The following SOX5 variants were observed in gnomAD, a reference collection of about 807,000 sequenced individuals.
SOX5 encodes the protein transcription factor SOX-5.
SOX5 carries 9 observed loss-of-function variants against 92.0 expected under a neutral mutation model. That is an observed-to-expected ratio of 0.10 (90% CI 0.06 to 0.17). The LOEUF (loss-of-function observed/expected upper bound fraction) is 0.17, where lower values mean the gene tolerates loss of function less well. Among genes scored for constraint, SOX5 ranks in the 10% least tolerant of loss-of-function variants. The probability of loss-of-function intolerance (pLI) is 1.00; values close to 1 mark genes in which losing one functional copy is unlikely to be tolerated. For missense variants in SOX5, 642 were observed against 944.5 expected (o/e 0.68, Z 4.20); for synonymous variants, 344 against 336.3 (o/e 1.02, Z -0.25).
chr12:23,981,302 G>GAAAC (rs2136166490), intron 4 of SOX5, among the ~76,000 whole-genome samples: 1 of 152,206 alleles, frequency 6.6e-6, no homozygotes, highest in Admixed American at 6.5e-5. Flanking sequence ...GAATTGCTTA[G>GAAAC]TCTTTCCATT....
chr12:23,545,537 A>C (rs1942959576), intron 12 of SOX5, among the ~76,000 whole-genome samples: 1 of 152,180 alleles, frequency 6.6e-6, no homozygotes, highest in East Asian at 1.9e-4. Context: ...AAAGCTGTGC[A>C]GCTGGTTTCT....
chr12:24,515,617 A>C (rs1949709491), intron 1 of SOX5, among the ~76,000 whole-genome samples: 1 of 152,182 alleles, frequency 6.6e-6, no homozygotes, highest in Non-Finnish European at 1.5e-5. Flanking sequence ...TTCTTATCAA[A>C]CTGTATGCTG....
intron 1 of SOX5, among the ~76,000 whole-genome samples, chr12:24,472,335 C>A (rs1045710219): frequency 1.3e-5 from 2 of 152,160 alleles, no homozygotes; most frequent in East Asian, 3.8e-4. Context: ...TTCATCTTTT[C>A]CCCTCACAAG....
chr12:23,656,067 G>A (rs2082266837), intron 7 of SOX5, among the ~76,000 whole-genome samples: 1 of 152,064 alleles, frequency 6.6e-6, no homozygotes, highest in Non-Finnish European at 1.5e-5. Context: ...AGACATTACT[G>A]TGGCTGCCTG....
At chr12:24,424,807 T>TGA (rs139281287) in intron 1 of SOX5, among the ~76,000 whole-genome samples, 2 of 131,168 alleles carry the variant, frequency 1.5e-5, no homozygotes, top group East Asian at 2.4e-4. Flanking sequence ...AGTTTTTTTT[T>TGA]TGGGGGGGGG....
intron 3 of SOX5, among the ~76,000 whole-genome samples, chr12:23,766,504 T>TAGAA (rs1458731675): frequency 1.3e-5 from 2 of 152,140 alleles, no homozygotes; most frequent in Non-Finnish European, 2.9e-5. Context: ...AATCTGAACT[T>TAGAA]TTCTAAGACT....
At chr12:24,454,030 C>T (rs1338099624) in intron 1 of SOX5, among the ~76,000 whole-genome samples, 1 of 152,158 alleles carries the variant, frequency 6.6e-6, no homozygotes, top group African/African-American at 2.4e-5. Flanking sequence ...TTATCTGTGA[C>T]CCAATTTGCT....
At chr12:23,574,843 T>A (rs79100815) in intron 10 of SOX5, among the ~76,000 whole-genome samples, 8 of 152,148 alleles carry the variant, frequency 5.3e-5, no homozygotes, top group Non-Finnish European at 1.2e-4. Flanking sequence ...AACTCATACT[T>A]TTCTGTAGTC....
intron 2 of SOX5, 129 bp from the exon 3 acceptor site, chr12:23,846,322 T>G: frequency 1.3e-6 from 1 of 747,976 alleles, no homozygotes; most frequent in Non-Finnish European, 2.2e-6. Context: ...CTTTAAAAAA[T>G]TGGTTATATG....
chr12:24,369,065 TG>T (rs1286473349), intron 1 of SOX5, among the ~76,000 whole-genome samples: 1 of 152,210 alleles, frequency 6.6e-6, no homozygotes, highest in African/African-American at 2.4e-5. Flanking sequence ...TTTCTAATAA[TG>T]TTGTTCAAAG....
At chr12:23,909,194 C>T (rs1374181243) in intron 1 of SOX5, among the ~76,000 whole-genome samples, 1 of 152,090 alleles carries the variant, frequency 6.6e-6, no homozygotes, top group African/African-American at 2.4e-5. Context: ...TATTAAGTTC[C>T]CATTTGTTCA....
intron 7 of SOX5, among the ~76,000 whole-genome samples, chr12:23,643,862 C>A (rs910986452): frequency 6.6e-6 from 1 of 151,882 alleles, no homozygotes; most frequent in Non-Finnish European, 1.5e-5. Flanking sequence ...GAAGTGTAGA[C>A]CCTCGCTTTT....
intron 3 of SOX5, among the ~76,000 whole-genome samples, chr12:24,276,984 C>T (rs1944506273): frequency 6.6e-6 from 1 of 152,054 alleles, no homozygotes; most frequent in African/African-American, 2.4e-5. Context: ...AGAAATGTTG[C>T]TATCATCTGC....
At chr12:23,558,726 T>C (rs901159846) in intron 11 of SOX5, among the ~76,000 whole-genome samples, 46 of 152,100 alleles carry the variant, frequency 3.0e-4, no homozygotes, top group Non-Finnish European at 6.2e-4. Flanking sequence ...CCTCAGCCTC[T>C]TGAGTAGCTG....
intron 2 of SOX5, among the ~76,000 whole-genome samples, chr12:24,326,866 T>C (rs993292305): frequency 6.6e-6 from 1 of 151,496 alleles, no homozygotes; most frequent in Admixed American, 6.6e-5. Context: ...TGTCTTCCTT[T>C]CTCCATCTAC....
intron 1 of SOX5, among the ~76,000 whole-genome samples, chr12:24,489,128 C>T (rs1347914893): frequency 6.6e-6 from 1 of 152,194 alleles, no homozygotes; most frequent in African/African-American, 2.4e-5. Flanking sequence ...TTTATGCCAA[C>T]ACACACGTCC....
chr12:24,043,456 T>C (rs1454493371), intron 4 of SOX5, among the ~76,000 whole-genome samples: 2 of 152,236 alleles, frequency 1.3e-5, no homozygotes, highest in African/African-American at 4.8e-5. Flanking sequence ...TATATGCTAA[T>C]GTTTTAAAGT....
chr12:24,330,795 A>C (rs1337508816), intron 2 of SOX5, among the ~76,000 whole-genome samples: 1 of 152,226 alleles, frequency 6.6e-6, no homozygotes, highest in Non-Finnish European at 1.5e-5. Context: ...ATTTGATTGG[A>C]GTTATCGCCT....
At chr12:24,186,455 C>A (rs763141961) in intron 4 of SOX5, among the ~76,000 whole-genome samples, 1 of 152,040 alleles carries the variant, frequency 6.6e-6, no homozygotes, top group Non-Finnish European at 1.5e-5. Flanking sequence ...TCAACACAAG[C>A]ACTCATTTGA....
Sources: gnomAD v4.1 joint callset for allele counts (sites outside exome capture counted in the v4.1 genomes callset) on GRCh38, gnomAD v4.1.1 for gene constraint, MANE v1.5 for transcripts, NCBI Gene and HGNC (gene_info 2026-07-23, HGNC 2026-07-21) for gene names.